The following KANSL1L variants were observed in gnomAD, a reference collection of about 807,000 sequenced individuals.
KANSL1L encodes the protein KAT8 regulatory NSL complex subunit 1-like protein.
A neutral mutation model predicts 108.6 loss-of-function variants in KANSL1L; 25 were observed. The ratio of observed to expected loss-of-function variants is 0.23; its 90% CI spans 0.17 to 0.32. The LOEUF is 0.32. Ranked by LOEUF, KANSL1L falls within the 10% of genes least tolerant of loss-of-function variation. The pLI is 1.00. For missense variants in KANSL1L, 1,137 were observed against 1,125.7 expected (o/e 1.01, Z -0.14); for synonymous variants, 405 against 395.1 (o/e 1.03, Z -0.30).
chr2:210,098,918 A>G (rs1347748289), intron 4 of KANSL1L, among the ~76,000 whole-genome samples: 4 of 151,390 alleles, frequency 2.6e-5, no homozygotes, highest in Non-Finnish European at 5.9e-5. Flanking sequence ...TATTATTCTC[A>G]AAACAATCAC....
At chr2:210,092,136 G>C (rs1426879871) in intron 5 of KANSL1L, among the ~76,000 whole-genome samples, 2 of 152,098 alleles carry the variant, frequency 1.3e-5, no homozygotes, top group Non-Finnish European at 2.9e-5. Context: ...TATGTCCAGA[G>C]GTAGATTTCT....
chr2:210,098,033 G>GATAAA (rs1206651568), intron 5 of KANSL1L, 53 bp downstream of exon 5: 9 of 1,493,544 alleles, frequency 6.0e-6, no homozygotes, highest in Non-Finnish European at 8.1e-6. Context: ...ATCAAAATAA[G>GATAAA]ATAAAATAGG....
intron 2 of KANSL1L, among the ~76,000 whole-genome samples, chr2:210,133,770 C>T (rs1446829350): frequency 2.6e-5 from 4 of 152,046 alleles, no homozygotes; most frequent in Admixed American, 6.6e-5. Context: ...CAGTTCAAAA[C>T]ATTTTATAGT....
At chr2:210,086,405 T>C (rs902973834) in intron 5 of KANSL1L, among the ~76,000 whole-genome samples, 1 of 152,020 alleles carries the variant, frequency 6.6e-6, no homozygotes, top group Non-Finnish European at 1.5e-5. Flanking sequence ...TAAAATGTAA[T>C]GCTTCATTTG....
intron 1 of KANSL1L, chr2:210,170,355 A>C (rs533268672): frequency 2.0e-6 from 2 of 985,372 alleles, no homozygotes; most frequent in African/African-American, 1.7e-5. Flanking sequence ...AAACAAAAAA[A>C]CAAACAAAAA....
intron 6 of KANSL1L, among the ~76,000 whole-genome samples, chr2:210,050,100 G>T (rs145408110): frequency 6.6e-6 from 1 of 152,212 alleles, no homozygotes; most frequent in Non-Finnish European, 1.5e-5. Flanking sequence ...CAGAATGCCA[G>T]AAAAGAAGTT....
intron 6 of KANSL1L, among the ~76,000 whole-genome samples, chr2:210,073,317 A>G (rs959854583): frequency 6.6e-6 from 1 of 152,184 alleles, no homozygotes; most frequent in Admixed American, 6.5e-5. Context: ...ACTTATCAGG[A>G]TAAGTCTGAG....
rs1427805567 is a variant in KANSL1L at position 210,043,955 on chromosome 2, A to G, written c.1905T>C (p.Val635=). Residue 635 remains valine (V), a synonymous_variant, in exon 7 of 15, where the codon GTT becomes GTC. Coordinates refer to ENST00000281772, the MANE Select transcript of KANSL1L (RefSeq NM_152519.4). ...VSELDSSFHS[V]LSLPSDVPLH... ...GAGGCTTACCTGATGGCAATGATAGAACAGAATGGAAAGAGGAATCTAACT... is the reference window on the plus strand; with the variant it reads ...GAGGCTTACCTGATGGCAATGATAGGACAGAATGGAAAGAGGAATCTAACT... 28 of 1,597,524 alleles carry G rather than the reference A, an allele frequency of 1.8e-5. No individual in the cohort carries two copies. The highest frequency in any genetic ancestry group is 2.3e-5 in the Non-Finnish European group (27 of 1,172,184).
chr2:210,038,046 G>A (rs1039794506), intron 8 of KANSL1L, among the ~76,000 whole-genome samples: 1 of 152,026 alleles, frequency 6.6e-6, no homozygotes, highest in African/African-American at 2.4e-5. Context: ...TCTTTGATAA[G>A]TAGGTTTCCA....
intron 5 of KANSL1L, among the ~76,000 whole-genome samples, chr2:210,079,646 A>ATATATATATATGTATGTG (rs1559539681): frequency 0.037 from 485 of 13,030 alleles, 50 homozygotes; most frequent in East Asian, 0.054. Flanking sequence ...ATATATATAT[A>ATATATATATATGTATGTG]TATATATATA....
intron 5 of KANSL1L, among the ~76,000 whole-genome samples, chr2:210,095,782 T>C (rs911768637): frequency 1.3e-5 from 2 of 152,088 alleles, no homozygotes; most frequent in Non-Finnish European, 2.9e-5. Flanking sequence ...TTGATCACTT[T>C]CTCTTTGATA....
chr2:210,143,232 AT>A (rs1454866567), intron 2 of KANSL1L, among the ~76,000 whole-genome samples: 1 of 151,412 alleles, frequency 6.6e-6, no homozygotes, highest in African/African-American at 2.4e-5. Flanking sequence ...CCTAAAGTGC[AT>A]TTTTTTTCTG....
chr2:210,103,560 C>T (rs2094816975), intron 4 of KANSL1L, among the ~76,000 whole-genome samples: 1 of 152,080 alleles, frequency 6.6e-6, no homozygotes, highest in East Asian at 1.9e-4. Flanking sequence ...AGGACAGATA[C>T]AGGATAGACT....
chr2:210,143,216 T>G (rs1168933330), intron 2 of KANSL1L, among the ~76,000 whole-genome samples: 1 of 152,112 alleles, frequency 6.6e-6, no homozygotes, highest in Non-Finnish European at 1.5e-5. Context: ...TTTTTACATG[T>G]TTTGGCCTAA....
intron 2 of KANSL1L, among the ~76,000 whole-genome samples, chr2:210,150,806 A>G (rs1291773251): frequency 6.6e-6 from 1 of 151,792 alleles, no homozygotes; most frequent in African/African-American, 2.4e-5. Context: ...AAGAAAAAAG[A>G]AAAAGAAAAA....
chr2:210,106,969 G>A (rs1305731409), intron 3 of KANSL1L, among the ~76,000 whole-genome samples: 2 of 151,924 alleles, frequency 1.3e-5, no homozygotes, highest in African/African-American at 2.4e-5. Flanking sequence ...GAGAGTTTCT[G>A]TTCTTAAAAA....
chr2:210,049,655 A>G (rs2125221319), intron 6 of KANSL1L, among the ~76,000 whole-genome samples: 1 of 152,312 alleles, frequency 6.6e-6, no homozygotes, highest in African/African-American at 2.4e-5. Context: ...TATAGTAGGA[A>G]ATTAGAAGCT....
At chr2:210,030,186 T>G (rs939245884) in intron 9 of KANSL1L, among the ~76,000 whole-genome samples, 1 of 152,010 alleles carries the variant, frequency 6.6e-6, no homozygotes, top group African/African-American at 2.4e-5. Context: ...CATCCCTTTA[T>G]TCTTGTTTCC....
At chr2:210,045,079 G>T (rs929518937) in intron 6 of KANSL1L, among the ~76,000 whole-genome samples, 1 of 152,040 alleles carries the variant, frequency 6.6e-6, no homozygotes, top group Non-Finnish European at 1.5e-5. Context: ...CACATTAACC[G>T]ATTTTTAACA....
Sources: gnomAD v4.1 joint callset for allele counts (sites outside exome capture counted in the v4.1 genomes callset) on GRCh38, gnomAD v4.1.1 for gene constraint, MANE v1.5 for transcripts, NCBI Gene and HGNC (gene_info 2026-07-23, HGNC 2026-07-21) for gene names.